The following IGSF10 variants were observed in gnomAD, a reference collection of about 807,000 sequenced individuals.
IGSF10 encodes immunoglobulin superfamily member 10.
A neutral mutation model predicts 128.2 loss-of-function variants in IGSF10; 126 were observed. That is an observed-to-expected ratio of 0.98 (90% CI 0.85 to 1.14). IGSF10 has a LOEUF of 1.14. Ranked by LOEUF, IGSF10 falls within the 50% of genes most tolerant of loss-of-function variation. The pLI is 0.00. For synonymous variants in IGSF10, 1,185 were observed against 1,146.2 expected (o/e 1.03, Z -0.68); for missense variants, 3,295 against 3,149.8 (o/e 1.05, Z -1.10).
intron 6 of IGSF10, 34 bp downstream of exon 6, chr3:151,444,884 AC>A (rs775268695): frequency 4.8e-5 from 73 of 1,521,708 alleles, no homozygotes; most frequent in Non-Finnish European, 2.6e-5. Flanking sequence ...TTGTTTTCTA[AC>A]AAAAACTAAG....
At chr3:151,594,312 T>G in the IGSF10 span, among the ~76,000 whole-genome samples, 1 of 151,516 alleles carries the variant, frequency 6.6e-6, no homozygotes, top group East Asian at 1.9e-4. Flanking sequence ...GATTCCATTA[T>G]GTAACTGAAT....
At chr3:151,453,305 G>A (rs1721598153) in intron 5 of IGSF10, 79 bp downstream of exon 5, 5 of 1,100,534 alleles carry the variant, frequency 4.5e-6, no homozygotes, top group South Asian at 3.5e-5. Context: ...ATTACCCTGG[G>A]CTCTCCACTT....
the IGSF10 span, among the ~76,000 whole-genome samples, chr3:151,528,796 A>C: frequency 2.3e-5 from 2 of 86,308 alleles, no homozygotes; most frequent in Non-Finnish European, 2.3e-5. Flanking sequence ...AGCTAGCTGC[A>C]GGAGTTTTTT....
the IGSF10 span, among the ~76,000 whole-genome samples, chr3:151,492,935 T>TATGCCTATATATGC: frequency 0.33 from 50,706 of 151,680 alleles, 8,793 homozygotes; most frequent in Middle Eastern, 0.41. Context: ...TATGTATATG[T>TATGCCTATATATGC]ATGCCTATAT....
chr3:151,495,924 T>G, the IGSF10 span, among the ~76,000 whole-genome samples: 10 of 152,294 alleles, frequency 6.6e-5, no homozygotes, highest in Non-Finnish European at 8.8e-5. Flanking sequence ...TATTAAAGTT[T>G]GTATTGAGAT....
At chr3:151,519,572 T>TA in the IGSF10 span, among the ~76,000 whole-genome samples, 1 of 151,966 alleles carries the variant, frequency 6.6e-6, no homozygotes, top group African/African-American at 2.4e-5. Context: ...ATCCCATTGT[T>TA]AAGAATGTGG....
At chr3:151,473,863 T>C in the IGSF10 span, among the ~76,000 whole-genome samples, 3 of 152,126 alleles carry the variant, frequency 2.0e-5, no homozygotes, top group African/African-American at 4.8e-5. Context: ...CTGAAAATTC[T>C]CATGATAGCC....
chr3:151,454,696 T>C (rs1425536228), intron 4 of IGSF10, among the ~76,000 whole-genome samples: 1 of 152,120 alleles, frequency 6.6e-6, no homozygotes. Flanking sequence ...TCACATGCCA[T>C]AAAATCCACC....
chr3:151,505,571 C>T, the IGSF10 span, among the ~76,000 whole-genome samples: 10 of 152,132 alleles, frequency 6.6e-5, no homozygotes, highest in East Asian at 1.9e-3. Flanking sequence ...TTCTTTCTGG[C>T]TTATATATGT....
the IGSF10 span, among the ~76,000 whole-genome samples, chr3:151,537,720 T>A: frequency 6.7e-6 from 1 of 149,466 alleles, no homozygotes; most frequent in African/African-American, 2.6e-5. Flanking sequence ...CATGGACTCT[T>A]AAAAAAAATA....
the IGSF10 span, among the ~76,000 whole-genome samples, chr3:151,571,617 T>G: frequency 6.6e-6 from 1 of 151,796 alleles, no homozygotes; most frequent in East Asian, 1.9e-4. Flanking sequence ...AAGGAGATTT[T>G]GGGCTGAGAC....
chr3:151,508,033 T>G, the IGSF10 span, among the ~76,000 whole-genome samples: 13 of 152,266 alleles, frequency 8.5e-5, no homozygotes, highest in Admixed American at 7.2e-4. Flanking sequence ...ATAAAACAGT[T>G]CAAAATTACT....
At chr3:151,466,364 T>C in the IGSF10 span, among the ~76,000 whole-genome samples, 9 of 152,172 alleles carry the variant, frequency 5.9e-5, no homozygotes. Context: ...CTGAGTTTAC[T>C]TGAGCAATAC....
the IGSF10 span, among the ~76,000 whole-genome samples, chr3:151,594,588 T>TG: frequency 6.6e-6 from 1 of 151,086 alleles, no homozygotes; most frequent in Non-Finnish European, 1.5e-5. Context: ...CCCAAAGTGC[T>TG]GGGGATTACA....
the IGSF10 span, among the ~76,000 whole-genome samples, chr3:151,515,328 T>A: frequency 6.6e-6 from 1 of 151,692 alleles, no homozygotes; most frequent in African/African-American, 2.4e-5. Flanking sequence ...TGGACATGGA[T>A]GAAGCTGGAA....
chr3:151,497,734 G>A, the IGSF10 span, among the ~76,000 whole-genome samples: 48 of 152,156 alleles, frequency 3.2e-4, no homozygotes, highest in Non-Finnish European at 6.5e-4. Flanking sequence ...GTAGCTTGAT[G>A]GGGATGGCAT....
At chr3:151,465,542 T>C (rs80210066), upstream of IGSF10, among the ~76,000 whole-genome samples, 1,893 of 152,326 alleles carry the variant, frequency 0.012, 26 homozygotes, top group African/African-American at 0.043. Context: ...CTCTTCTAGT[T>C]TCTTCTTCTT....
the IGSF10 span, among the ~76,000 whole-genome samples, chr3:151,527,517 C>A: frequency 0.013 from 1,935 of 152,154 alleles, 93 homozygotes; most frequent in East Asian, 0.17. Flanking sequence ...TTACATGTTA[C>A]CCGCCCAATA....
chr3:151,541,302 A>G, the IGSF10 span, among the ~76,000 whole-genome samples: 1 of 152,202 alleles, frequency 6.6e-6, no homozygotes, highest in Non-Finnish European at 1.5e-5. Context: ...ACTTCAAGAC[A>G]GTATATCTTT....
Sources: allele counts gnomAD v4.1 joint callset (sites outside exome capture counted in the v4.1 genomes callset), GRCh38; gene constraint gnomAD v4.1.1; transcripts MANE v1.5; gene names NCBI Gene and HGNC (gene_info 2026-07-23, HGNC 2026-07-21).